Variants in TBC1D8B observed in about 807,000 individuals in gnomAD.
TBC1D8B encodes the protein RP11-321G1.1.
In TBC1D8B, 75 loss-of-function variants were observed where a neutral mutation model predicts 82.9. The ratio of observed to expected loss-of-function variants is 0.90; its 90% CI spans 0.75 to 1.10. TBC1D8B has a LOEUF of 1.10. Among genes scored for constraint, TBC1D8B ranks in the 50% least tolerant of loss-of-function variants. The pLI, the probability that TBC1D8B is intolerant of heterozygous loss-of-function variation, is 0.00. For missense variants in TBC1D8B, 794 were observed against 796.9 expected (o/e 1.00, Z 0.04); for synonymous variants, 276 against 276.8 (o/e 1.00, Z 0.03).
intron 1 of TBC1D8B, among the ~76,000 whole-genome samples, chrX:106,813,203 G>C (rs1440679023): frequency 8.9e-6 from 1 of 111,764 alleles, no homozygotes; most frequent in African/African-American, 3.3e-5. Flanking sequence ...GATATTCATG[G>C]ATGAAATGAT....
chrX:106,815,780 T>C (rs1400500920), intron 1 of TBC1D8B: 1 of 111,737 alleles, frequency 8.9e-6, no homozygotes, highest in East Asian at 2.8e-4. Context: ...GTAAGTTGGA[T>C]TCCTAACTGT....
At chrX:106,830,113 C>A (rs1308694812) in intron 7 of TBC1D8B, 1 of 111,794 alleles carries the variant, frequency 8.9e-6, no homozygotes, top group Non-Finnish European at 1.9e-5. Flanking sequence ...AAACAAACAA[C>A]CCCATCAAAA....
At chrX:106,838,059 A>G (rs867646591) in intron 7 of TBC1D8B, among the ~76,000 whole-genome samples, 4 of 111,935 alleles carry the variant, frequency 3.6e-5, no homozygotes, top group Non-Finnish European at 5.6e-5. Flanking sequence ...ACCCAGTGAC[A>G]TCTGATGTTG....
intron 1 of TBC1D8B, 102 bp from the exon 2 acceptor site, chrX:106,818,561 G>C (rs1358432348): frequency 1.2e-5 from 7 of 564,269 alleles, no homozygotes; most frequent in Non-Finnish European, 1.8e-5. Flanking sequence ...CTATGGGCTA[G>C]AAAAGTTTTA....
At chrX:106,813,247 G>T (rs1239216246) in intron 1 of TBC1D8B, among the ~76,000 whole-genome samples, 1 of 111,943 alleles carries the variant, frequency 8.9e-6, no homozygotes, top group Non-Finnish European at 1.9e-5. Context: ...AATACTCCAG[G>T]AGGGAGTATT....
intron 11 of TBC1D8B, among the ~76,000 whole-genome samples, chrX:106,849,055 G>C (rs1456075210): frequency 1.8e-5 from 2 of 108,521 alleles, no homozygotes; most frequent in Admixed American, 1.0e-4. Context: ...GGGATTACAG[G>C]TGTGAGCCAC....
intron 1 of TBC1D8B, among the ~76,000 whole-genome samples, chrX:106,817,188 A>G (rs1183821053): frequency 8.9e-6 from 1 of 111,747 alleles, no homozygotes; most frequent in African/African-American, 3.2e-5. Context: ...TCAACAAACT[A>G]TATCCTTATT....
In TBC1D8B at chrX:106,854,314, G is replaced by T. The variant is rs181531725; in HGVS notation, c.2352+18G>T. ...AGAATGTGGTAAGTATGCAACCAAT[G>T]AGGAAAAACCAGTTGGAGTAATTTT... On this transcript the variant is annotated intron_variant, in intron 14 of 20. Transcript: ENST00000357242. The T allele has an allele frequency of 1.5e-5, 16 of 1,061,892 alleles. No homozygotes were observed. The East Asian group carries it at 4.9e-4, about 32-fold the overall frequency. The allele number at this position is 1,061,892 out of a possible 1,213,427, so 87.5% of individuals were successfully genotyped here. A position where few individuals can be genotyped will look rare whatever the true frequency, so the allele number is the denominator to read the frequency against.
chrX:106,826,693 A>G (rs2147737031), intron 6 of TBC1D8B, among the ~76,000 whole-genome samples: 1 of 106,618 alleles, frequency 9.4e-6, no homozygotes, highest in South Asian at 4.2e-4. Flanking sequence ...TGTCCTTGCG[A>G]TAGTTTGCTG....
chrX:106,829,343 A>G (rs1178471436), intron 7 of TBC1D8B: 1 of 105,389 alleles, frequency 9.5e-6, no homozygotes. Context: ...AGGAAGAATC[A>G]ATATCGTGAA....
chrX:106,856,595 T>G (rs1446929418), intron 14 of TBC1D8B, among the ~76,000 whole-genome samples: 4 of 111,033 alleles, frequency 3.6e-5, no homozygotes, highest in Non-Finnish European at 1.9e-5. Context: ...ATCCTCACAG[T>G]ACTCTACTTT....
chrX:106,823,081 A>G, intron 4 of TBC1D8B, 145 bp from the exon 5 acceptor site: 2 of 604,264 alleles, frequency 3.3e-6, no homozygotes, highest in Non-Finnish European at 4.9e-6. Flanking sequence ...TGATGCTTCA[A>G]ATTTTTAACT....
intron 2 of TBC1D8B, among the ~76,000 whole-genome samples, chrX:106,819,392 T>C (rs1931636352): frequency 9.0e-6 from 1 of 111,039 alleles, no homozygotes; most frequent in South Asian, 3.7e-4. Flanking sequence ...AATAAATTTT[T>C]AAAAAGCTGC....
chrX:106,824,664 C>T (rs1006225153), intron 5 of TBC1D8B, among the ~76,000 whole-genome samples: 16 of 111,192 alleles, frequency 1.4e-4, no homozygotes, highest in African/African-American at 5.2e-4. Flanking sequence ...GTCTAAAAGG[C>T]TATCAATGAG....
chrX:106,838,966 T>C (rs1309835275), intron 7 of TBC1D8B, among the ~76,000 whole-genome samples: 2 of 111,973 alleles, frequency 1.8e-5, no homozygotes, highest in East Asian at 2.8e-4. Flanking sequence ...CAGACTCTTC[T>C]GGTCTTACTC....
chrX:106,870,183 A>C (rs1455038405), intron 19 of TBC1D8B, among the ~76,000 whole-genome samples: 1 of 110,022 alleles, frequency 9.1e-6, no homozygotes. Flanking sequence ...GGCGCCCACC[A>C]CCACACCCGG....
chrX:106,867,747 A>G (rs1481117675), intron 17 of TBC1D8B, among the ~76,000 whole-genome samples: 1 of 111,774 alleles, frequency 8.9e-6, no homozygotes, highest in Non-Finnish European at 1.9e-5. Context: ...AGCTTTTCTC[A>G]GGATAGCCGG....
chrX:106,863,319 G>A (rs748073562), intron 14 of TBC1D8B, among the ~76,000 whole-genome samples: 7 of 111,704 alleles, frequency 6.3e-5, no homozygotes, highest in Admixed American at 9.5e-5. Context: ...AATGGGGACA[G>A]GGAGATGGCC....
intron 1 of TBC1D8B, among the ~76,000 whole-genome samples, chrX:106,812,896 G>C (rs763213023): frequency 7.0e-4 from 77 of 110,499 alleles, no homozygotes; most frequent in Non-Finnish European, 1.2e-3. Context: ...TTGCCCAGGT[G>C]GGGGTGCAGC....
Sources: gnomAD v4.1 joint callset for allele counts (sites outside exome capture counted in the v4.1 genomes callset) on GRCh38, gnomAD v4.1.1 for gene constraint, MANE v1.5 for transcripts, NCBI Gene and HGNC (gene_info 2026-07-23, HGNC 2026-07-21) for gene names.